ZNF483: variants seen among roughly 807,000 people sequenced by gnomAD.
ZNF483 encodes the protein zinc finger protein HIT-10.
A neutral mutation model predicts 28.6 loss-of-function variants in ZNF483; 9 were observed. That is an observed-to-expected ratio of 0.32 (90% CI 0.19 to 0.55). ZNF483 has a LOEUF of 0.55. Among genes scored for constraint, ZNF483 ranks in the 20% least tolerant of loss-of-function variants. The pLI, the probability that ZNF483 is intolerant of heterozygous loss-of-function variation, is 0.93. For missense variants in ZNF483, 675 were observed against 871.7 expected (o/e 0.77, Z 2.84); for synonymous variants, 322 against 306.2 (o/e 1.05, Z -0.54).
downstream of ZNF483, among the ~76,000 whole-genome samples, chr9:111,559,253 C>A (rs115433209): frequency 0.011 from 1,673 of 152,240 alleles, 23 homozygotes; most frequent in African/African-American, 0.038. Context: ...CACCCCTTCA[C>A]GTGCACACCT....
At position 111,527,896 on chromosome 9, in the gene ZNF483, A is replaced by G. The variant is rs1035805343; in HGVS notation, c.412+89A>G. On this transcript the variant is annotated intron_variant, in intron 2 of 5. Transcript: ENST00000309235. ...TCAAAAGAAGGCAATTTACTGCTAA[A>G]GAGGAGTCTGAGGTTAGAAGTTGGG... The G allele has an allele frequency of 1.9e-6, 3 of 1,602,474 alleles. No homozygotes were observed. In the African/African-American group the frequency reaches 4.0e-5, roughly 21 times the overall value.
chr9:111,536,156 A>C (rs1006523105), intron 5 of ZNF483, among the ~76,000 whole-genome samples: 1 of 147,346 alleles, frequency 6.8e-6, no homozygotes, highest in African/African-American at 2.5e-5. Flanking sequence ...CTCTCAAAGT[A>C]CTGGGATTAC....
At position 111,549,728 on chromosome 9, in the gene ZNF483, A is replaced by G. The variant is rs1281075682; in HGVS notation, c.*6558A>G. 1 of 1,549,118 alleles carries G rather than the reference A, an allele frequency of 6.5e-7. No homozygotes were observed. Among genetic ancestry groups the G allele is most frequent in the Non-Finnish European group, 8.7e-7 (1 of 1,146,356 alleles). On this transcript the variant is annotated 3_prime_UTR_variant, in exon 6 of 6. Transcript: ENST00000309235. The stretch of plus-strand genomic sequence containing the variant: ...AAAGTGGACCCTTGCCTTCTAAGGT[A>G]ATGGTGAATGATACATATTCCCTTC...
In ZNF483 at chr9:111,572,791, A is replaced by T. The variant is rs112651079; in HGVS notation, c.722-3574A>T. Among the ~76,000 whole-genome samples, 100 of 149,542 alleles carry T rather than the reference A, an allele frequency of 6.7e-4. 2 individuals are homozygous for T. The highest frequency in any genetic ancestry group is 4.4e-3 in the South Asian group (21 of 4,732). On this transcript the variant is annotated intron_variant, in intron 5 of 5. Coordinates refer to the ZNF483 transcript ENST00000358151. ...AAAAAAAAAAAAAAATTAAAAAATT[A>T]AAAAAAAAATCTCCAGTCTGGGAAA...
chr9:111,526,435 G>C (rs1827188394), intron 1 of ZNF483, among the ~76,000 whole-genome samples: 1 of 152,050 alleles, frequency 6.6e-6, no homozygotes, highest in South Asian at 2.1e-4. Flanking sequence ...GGAGTGATAA[G>C]ATCATATTTT....
At chr9:111,559,701 G>A (rs943194949), downstream of ZNF483, among the ~76,000 whole-genome samples, 3 of 152,074 alleles carry the variant, frequency 2.0e-5, no homozygotes, top group Admixed American at 6.6e-5. Context: ...AGCCAGCCTC[G>A]GTGCATGACC....
chr9:111,555,836 A>G (rs1828106099), downstream of ZNF483, among the ~76,000 whole-genome samples: 1 of 152,212 alleles, frequency 6.6e-6, no homozygotes, highest in Non-Finnish European at 1.5e-5. Context: ...GTGGGGACAC[A>G]GAGCCAAACT....
In ZNF483 at chr9:111,544,933, C is replaced by T. The variant is rs1323222846; in HGVS notation, c.*1763C>T. ...GTTCCTAAAGTTGAAATTGTGGGCA[C>T]CTCCTATAAAAAGAGAGCTAAACCA... On this transcript the variant is annotated 3_prime_UTR_variant, in exon 6 of 6. Coordinates refer to ENST00000309235, the MANE Select transcript of ZNF483 (RefSeq NM_133464.5). Among the ~76,000 whole-genome samples the T allele has an allele frequency of 6.6e-6, 1 of 152,088 alleles. No homozygotes were observed. The highest frequency in any genetic ancestry group is 2.4e-5 in the African/African-American group (1 of 41,396).
rs1827889223 is a variant in ZNF483, at chr9:111,549,873, C to T, written c.*6703C>T. On this transcript the variant is annotated 3_prime_UTR_variant, in exon 6 of 6. Coordinates refer to ENST00000309235, the MANE Select transcript of ZNF483 (RefSeq NM_133464.5). ...TTGCTTTAAAGTCTGTCTAGTGAGT[C>T]AATGTTTGGTCTTCCTCATGTCCAT... The T allele has an allele frequency of 3.2e-6, 3 of 924,992 alleles. No individual in the cohort carries two copies. In the Admixed American group the frequency reaches 6.9e-5, roughly 21 times the overall value. 57.3% of individuals were successfully genotyped at this position (924,992 alleles called of 1,614,324 possible). A position where few individuals can be genotyped will look rare whatever the true frequency, so the allele number is the denominator to read the frequency against.
rs1026492378 is a variant in ZNF483 at position 111,553,226 on chromosome 9, T to A, written c.*10056T>A. Reference sequence around the variant, plus strand: ...AAACAGCTTTTCCATTTTGCTCTGCTGCAGTAAATTGCAATTGCCATTCAT... The same window carrying A: ...AAACAGCTTTTCCATTTTGCTCTGCAGCAGTAAATTGCAATTGCCATTCAT... On this transcript the variant is annotated 3_prime_UTR_variant, in exon 6 of 6. Coordinates refer to ENST00000309235, the MANE Select transcript of ZNF483 (RefSeq NM_133464.5). Among the ~76,000 whole-genome samples the A allele has an allele frequency of 6.6e-6, 1 of 152,240 alleles. No homozygotes were observed. The highest frequency in any genetic ancestry group is 1.5e-5 in the Non-Finnish European group (1 of 68,034).
chr9:111,560,636 C>CAAAAA (rs1015199330), intron 5 of ZNF483, among the ~76,000 whole-genome samples: 1,642 of 26,296 alleles, frequency 0.062, 106 homozygotes, highest in African/African-American at 0.099. Flanking sequence ...GACACCATCT[C>CAAAAA]AAAAAAAAAA....
At chr9:111,557,039 G>A (rs76404391), downstream of ZNF483, among the ~76,000 whole-genome samples, 1 of 152,176 alleles carries the variant, frequency 6.6e-6, no homozygotes, top group Non-Finnish European at 1.5e-5. Context: ...TGATGGAAAG[G>A]GCTGCCGCGA....
chr9:111,555,339 C>T lies in ZNF483; in HGVS notation c.*12169C>T, dbSNP rs1828089799. On this transcript the variant is annotated 3_prime_UTR_variant, in exon 6 of 6. Coordinates refer to ENST00000309235, the MANE Select transcript of ZNF483 (RefSeq NM_133464.5). ...CTGTGCACATTTTCAAACTCTTTAG[C>T]CTCTGATTTTCTCCCTACTTCCAGA... Among the ~76,000 whole-genome samples the T allele has an allele frequency of 6.6e-6, 1 of 152,118 alleles. No individual in the cohort carries two copies. Among genetic ancestry groups the T allele is most frequent in the Admixed American group, 6.5e-5 (1 of 15,278 alleles).
intron 4 of ZNF483, among the ~76,000 whole-genome samples, 153 bp downstream of exon 4, chr9:111,534,018 G>T (rs756841748): frequency 1.3e-5 from 2 of 152,186 alleles, no homozygotes; most frequent in Non-Finnish European, 2.9e-5. Flanking sequence ...CTGAAAATGT[G>T]CTTTTCTGCA....
chr9:111,546,917 G>T lies in ZNF483; in HGVS notation c.*3747G>T, dbSNP rs1827822019. On this transcript the variant is annotated 3_prime_UTR_variant, in exon 6 of 6. Coordinates refer to ENST00000309235, the MANE Select transcript of ZNF483 (RefSeq NM_133464.5). ...CAAATTTGACTGTTCTAATTACTTG[G>T]TATGAATGGAATCATACAATATTTG... is the stretch of plus-strand genomic sequence containing the variant. 6.6e-6 allele frequency among the ~76,000 whole-genome samples: 1 copy of T among 152,134 alleles called. No individual in the cohort carries two copies. The highest frequency in any genetic ancestry group is 1.9e-4 in the East Asian group (1 of 5,182).
chr9:111,564,990 G>A (rs1005651447), intron 5 of ZNF483, among the ~76,000 whole-genome samples: 3 of 152,072 alleles, frequency 2.0e-5, no homozygotes, highest in Non-Finnish European at 4.4e-5. Context: ...CAGGCGTGGT[G>A]GCGTGTACCT....
At position 111,552,038 on chromosome 9, in the gene ZNF483, C is replaced by T. The variant is rs146188866; in HGVS notation, c.*8868C>T. On this transcript the variant is annotated 3_prime_UTR_variant, in exon 6 of 6. Coordinates refer to ENST00000309235, the MANE Select transcript of ZNF483 (RefSeq NM_133464.5). ...ATTGTAAATAAATTCTTTTACCTGT[C>T]TAGCCAGGTCACAAGTTTTTCCCAT... Among the ~76,000 whole-genome samples, 25 of 152,250 alleles carry T rather than the reference C, an allele frequency of 1.6e-4. No individual in the cohort carries two copies. In the East Asian group the frequency reaches 4.8e-3, roughly 29 times the overall value.
intron 5 of ZNF483, among the ~76,000 whole-genome samples, chr9:111,565,190 G>A (rs1398482807): frequency 6.6e-6 from 1 of 152,084 alleles, no homozygotes; most frequent in African/African-American, 2.4e-5. Context: ...TGACTGGTGT[G>A]CTTATAAGGA....
At chr9:111,572,308 A>G (rs576613343) in intron 5 of ZNF483, among the ~76,000 whole-genome samples, 4 of 152,338 alleles carry the variant, frequency 2.6e-5, no homozygotes, top group Admixed American at 6.5e-5. Flanking sequence ...TCTTAAATGA[A>G]AGTGGGATGG....
Sources: allele counts gnomAD v4.1 joint callset (sites outside exome capture counted in the v4.1 genomes callset), GRCh38; gene constraint gnomAD v4.1.1; transcripts MANE v1.5; gene names NCBI Gene and HGNC (gene_info 2026-07-23, HGNC 2026-07-21).